SLC25A43: variants seen among roughly 807,000 people sequenced by gnomAD.
SLC25A43 encodes the protein solute carrier family 25, member 43.
A neutral mutation model predicts 22.8 loss-of-function variants in SLC25A43; 10 were observed. The ratio of observed to expected loss-of-function variants is 0.44; its 90% CI spans 0.27 to 0.74. The LOEUF (loss-of-function observed/expected upper bound fraction) is 0.74, where lower values mean the gene tolerates loss of function less well. Among genes scored for constraint, SLC25A43 ranks in the 30% least tolerant of loss-of-function variants. SLC25A43 has a pLI of 0.17. For missense variants in SLC25A43, 233 were observed against 279.1 expected (o/e 0.83, Z 1.18); for synonymous variants, 106 against 121.6 (o/e 0.87, Z 0.84).
intron 3 of SLC25A43, among the ~76,000 whole-genome samples, chrX:119,419,641 G>A (rs760475676): frequency 1.8e-5 from 2 of 111,428 alleles, no homozygotes; most frequent in African/African-American, 6.5e-5. Context: ...ATTTCCCACA[G>A]CCTGCTCGAC....
intron 3 of SLC25A43, among the ~76,000 whole-genome samples, chrX:119,451,030 G>A (rs536985027): frequency 3.6e-5 from 4 of 110,814 alleles, no homozygotes; most frequent in Non-Finnish European, 7.6e-5. Flanking sequence ...AGGTGTGGTG[G>A]TGTGCACCTG....
intron 3 of SLC25A43, among the ~76,000 whole-genome samples, chrX:119,431,359 A>C (rs112606169): frequency 0.023 from 2,522 of 110,356 alleles, 63 homozygotes; most frequent in African/African-American, 0.074. Context: ...CTCTACTAAG[A>C]AAAATTAGCC....
intron 3 of SLC25A43, among the ~76,000 whole-genome samples, chrX:119,425,052 A>G: frequency 1.3e-5 from 1 of 77,180 alleles, no homozygotes. Context: ...GGTTAACTCA[A>G]GTTAGAGAGA....
At chrX:119,452,219 C>T in intron 4 of SLC25A43, 76 bp downstream of exon 4, 1 of 1,102,123 alleles carries the variant, frequency 9.1e-7, no homozygotes, top group East Asian at 3.1e-5. Context: ...CCCCCAACCC[C>T]TACTACAGTT....
At chrX:119,403,090 C>A (rs2147249864) in intron 1 of SLC25A43, among the ~76,000 whole-genome samples, 1 of 111,039 alleles carries the variant, frequency 9.0e-6, no homozygotes, top group South Asian at 3.9e-4. Context: ...CTCCCTTAGG[C>A]TCTATGCTGA....
intron 3 of SLC25A43, among the ~76,000 whole-genome samples, chrX:119,426,552 G>A (rs1368589395): frequency 1.8e-5 from 2 of 111,920 alleles, no homozygotes; most frequent in Non-Finnish European, 3.8e-5. Context: ...GCCGGGCGCG[G>A]CGACTCACGC....
At chrX:119,428,760 G>A (rs901155944) in intron 3 of SLC25A43, among the ~76,000 whole-genome samples, 3 of 111,946 alleles carry the variant, frequency 2.7e-5, no homozygotes, top group Admixed American at 1.9e-4. Flanking sequence ...AGTGGCCAGC[G>A]AGTGAGCATT....
At chrX:119,401,852 C>A (rs1316365139) in intron 1 of SLC25A43, among the ~76,000 whole-genome samples, 1 of 110,249 alleles carries the variant, frequency 9.1e-6, no homozygotes, top group Non-Finnish European at 1.9e-5. Flanking sequence ...GAACCTGTTG[C>A]ACTAGTCCAC....
intron 3 of SLC25A43, among the ~76,000 whole-genome samples, chrX:119,412,253 G>A (rs1221368720): frequency 1.8e-5 from 2 of 111,881 alleles, no homozygotes; most frequent in African/African-American, 6.5e-5. Flanking sequence ...GATAATTGTC[G>A]CATCATTGTA....
intron 3 of SLC25A43, among the ~76,000 whole-genome samples, chrX:119,449,413 CAAAA>C (rs34141915): frequency 1.4e-5 from 1 of 72,697 alleles, no homozygotes. Context: ...GACTCTGTCT[CAAAA>C]AAAAAAAAAA....
chrX:119,406,609 C>T lies in SLC25A43; in HGVS notation c.425C>T (p.Pro142Leu). Reference protein sequence around the residue: ...TRLIMQNILEPSYRGLLHAFS... With the variant: ...TRLIMQNILELSYRGLLHAFS... ...TTGATCATGCAGAACATACTGGAAC[C>T]ATCGTACAGGGGGCTCCTCCATGCT... Residue 142 changes from proline (P) to leucine (L), a missense_variant, in exon 2 of 5, where the codon CCA (proline) becomes CTA (leucine). Physicochemically the swap from Pro to Leu is moderately conservative, Grantham distance 98. Transcript: ENST00000217909. The T allele has an allele frequency of 8.3e-7, 1 of 1,211,897 alleles. No individual in the cohort carries two copies. The highest frequency in any genetic ancestry group is 1.1e-6 in the Non-Finnish European group (1 of 895,502).
At chrX:119,407,663 A>G (rs1243686686) in intron 2 of SLC25A43, among the ~76,000 whole-genome samples, 1 of 110,690 alleles carries the variant, frequency 9.0e-6, no homozygotes, top group South Asian at 3.9e-4. Context: ...CCAATTCCCA[A>G]TGGTAGTATG....
intron 3 of SLC25A43, among the ~76,000 whole-genome samples, chrX:119,449,427 A>AAAAAG (rs1556109104): frequency 9.3e-5 from 10 of 107,220 alleles, no homozygotes; most frequent in African/African-American, 3.4e-4. Context: ...AAAAAAAAAA[A>AAAAAG]AAGAAGAAGA....
intron 3 of SLC25A43, among the ~76,000 whole-genome samples, chrX:119,445,848 A>G (rs1027400431): frequency 9.0e-6 from 1 of 111,200 alleles, no homozygotes; most frequent in Non-Finnish European, 1.9e-5. Flanking sequence ...AGAGCAAGAA[A>G]GAGCCAGCTT....
chrX:119,435,034 T>C (rs1451705361), intron 3 of SLC25A43, among the ~76,000 whole-genome samples: 1 of 110,751 alleles, frequency 9.0e-6, no homozygotes, highest in Non-Finnish European at 1.9e-5. Flanking sequence ...AAATGGGGTT[T>C]CACCATATTG....
At chrX:119,430,003 C>T (rs2052539403) in intron 3 of SLC25A43, among the ~76,000 whole-genome samples, 1 of 111,651 alleles carries the variant, frequency 9.0e-6, no homozygotes, top group African/African-American at 3.3e-5. Flanking sequence ...ATGACTTGAC[C>T]AGGGTTATAC....
intron 3 of SLC25A43, among the ~76,000 whole-genome samples, chrX:119,429,793 C>T (rs1471162725): frequency 9.0e-6 from 1 of 111,616 alleles, no homozygotes; most frequent in Non-Finnish European, 1.9e-5. Flanking sequence ...GAAGATTTCC[C>T]TGGGGAAATG....
intron 3 of SLC25A43, among the ~76,000 whole-genome samples, chrX:119,442,676 C>T (rs183161652): frequency 8.9e-6 from 1 of 112,224 alleles, no homozygotes; most frequent in African/African-American, 3.2e-5. Flanking sequence ...AAGACATCCA[C>T]TGAAGACCCC....
chrX:119,406,709 G>A lies in SLC25A43; in HGVS notation c.517+8G>A, dbSNP rs763853130. 5.0e-6 allele frequency: 6 copies of A among 1,206,199 alleles called. No homozygotes were observed. In the Admixed American group the frequency reaches 6.6e-5, roughly 13 times the overall value. ...TTTCCCTCACTGTTGTAGGTAAGAT[G>A]GACCTTTTCACCTTGTCCAAGAAAA... On this transcript the variant is annotated splice_region_variant and intron_variant, in intron 2 of 4. Coordinates refer to ENST00000217909, the MANE Select transcript of SLC25A43 (RefSeq NM_145305.3).
Sources: gnomAD v4.1 joint callset for allele counts (sites outside exome capture counted in the v4.1 genomes callset) on GRCh38, gnomAD v4.1.1 for gene constraint, MANE v1.5 for transcripts, NCBI Gene and HGNC (gene_info 2026-07-23, HGNC 2026-07-21) for gene names.